FBXL17: variants seen among roughly 807,000 people sequenced by gnomAD.
FBXL17 encodes the protein F-box and leucine rich repeat protein 17, also known as F-box/LRR-repeat protein 17.
A neutral mutation model predicts 66.2 loss-of-function variants in FBXL17; 22 were observed. The observed-to-expected ratio is 0.33, with a 90% CI of 0.24 to 0.47. FBXL17 has a LOEUF of 0.47. Ranked by LOEUF, FBXL17 falls within the 20% of genes least tolerant of loss-of-function variation. FBXL17 has a pLI of 1.00. For missense variants in FBXL17, 878 were observed against 948.2 expected (o/e 0.93, Z 0.97); for synonymous variants, 474 against 400.5 (o/e 1.18, Z -2.19).
At chr5:108,190,134 C>T (rs1281398200) in intron 5 of FBXL17, among the ~76,000 whole-genome samples, 3 of 152,128 alleles carry the variant, frequency 2.0e-5, no homozygotes, top group African/African-American at 7.2e-5. Context: ...AGGAGGGCTG[C>T]GGTGACGTTG....
At chr5:108,075,563 C>T (rs148332769) in intron 6 of FBXL17, among the ~76,000 whole-genome samples, 33 of 152,264 alleles carry the variant, frequency 2.2e-4, no homozygotes, top group African/African-American at 7.9e-4. Context: ...TCAACCTCTG[C>T]CTCCCGGGTT....
intron 4 of FBXL17, among the ~76,000 whole-genome samples, chr5:108,345,950 G>T (rs1326392683): frequency 1.3e-5 from 2 of 151,998 alleles, no homozygotes; most frequent in Non-Finnish European, 2.9e-5. Context: ...AAAATAATTT[G>T]ACTGATTATC....
At chr5:108,361,935 C>G (rs1285767010) in intron 3 of FBXL17, among the ~76,000 whole-genome samples, 1 of 152,120 alleles carries the variant, frequency 6.6e-6, no homozygotes, top group East Asian at 1.9e-4. Flanking sequence ...TGTTGCCAAG[C>G]TGGGGAATGG....
In FBXL17 at chr5:108,279,956, C is replaced by G. The variant is rs191758593; in HGVS notation, c.1507-55728G>C. Among the ~76,000 whole-genome samples, 15 of 151,962 alleles carry G rather than the reference C, an allele frequency of 9.9e-5. No individual in the cohort carries two copies. The East Asian group carries it at 2.7e-3, about 27-fold the overall frequency. On this transcript the variant is annotated intron_variant, in intron 4 of 8. Transcript: ENST00000542267. ...AAAAATTAAAAAAGAATAATCTAAG[C>G]CTTCAAGACATTTGGGACAATGTGA...
intron 7 of FBXL17, among the ~76,000 whole-genome samples, chr5:107,947,204 A>G (rs1751340263): frequency 6.6e-6 from 1 of 152,200 alleles, no homozygotes; most frequent in Non-Finnish European, 1.5e-5. Context: ...CGGCATTGCT[A>G]TGGGCAATGG....
At chr5:107,998,627 C>T (rs1580306783) in intron 7 of FBXL17, among the ~76,000 whole-genome samples, 1 of 151,700 alleles carries the variant, frequency 6.6e-6, no homozygotes, top group Admixed American at 6.6e-5. Flanking sequence ...CACCAGAATA[C>T]CAGATTTCAA....
intron 7 of FBXL17, among the ~76,000 whole-genome samples, chr5:107,928,511 T>C (rs1158021104): frequency 6.6e-6 from 1 of 152,026 alleles, no homozygotes; most frequent in Non-Finnish European, 1.5e-5. Context: ...TTTGAAATAA[T>C]ATTACATTTA....
intron 7 of FBXL17, among the ~76,000 whole-genome samples, chr5:107,929,746 G>A (rs1245402675): frequency 6.6e-6 from 1 of 152,060 alleles, no homozygotes; most frequent in African/African-American, 2.4e-5. Flanking sequence ...GCCTGTAGGA[G>A]CATCACCTGT....
intron 7 of FBXL17, among the ~76,000 whole-genome samples, chr5:107,991,159 G>C (rs1753228075): frequency 6.6e-6 from 1 of 152,156 alleles, no homozygotes; most frequent in Non-Finnish European, 1.5e-5. Flanking sequence ...AAAGGATATG[G>C]GCAGTCTTAA....
At chr5:107,923,114 C>T (rs1233516493) in intron 7 of FBXL17, among the ~76,000 whole-genome samples, 3 of 152,040 alleles carry the variant, frequency 2.0e-5, no homozygotes, top group African/African-American at 7.2e-5. Flanking sequence ...GACTCTGTAG[C>T]AATGGGCATG....
chr5:107,955,981 T>G (rs1357923029), intron 7 of FBXL17, among the ~76,000 whole-genome samples: 1 of 152,164 alleles, frequency 6.6e-6, no homozygotes, highest in Non-Finnish European at 1.5e-5. Context: ...TACCTCTAAT[T>G]CATCTGAAGA....
At chr5:108,151,724 T>C (rs1445769633) in intron 6 of FBXL17, among the ~76,000 whole-genome samples, 1 of 152,168 alleles carries the variant, frequency 6.6e-6, no homozygotes. Flanking sequence ...GCAATTTACA[T>C]AAGGACACCT....
At position 107,866,617 on chromosome 5, in the gene FBXL17, A is replaced by T. The variant is rs567810963; in HGVS notation, c.1966-4757T>A. Among the ~76,000 whole-genome samples the T allele has an allele frequency of 2.0e-5, 3 of 152,350 alleles. No individual in the cohort carries two copies. The East Asian group carries it at 5.8e-4, about 29-fold the overall frequency. ...TATTAATTTCCGCAGAAAGTTCCAG[A>T]TAAGTGTAAACCCAGGCCTGACTTA... On this transcript the variant is annotated intron_variant, in intron 8 of 8. Coordinates refer to ENST00000542267, the MANE Select transcript of FBXL17 (RefSeq NM_001163315.3).
At chr5:107,890,791 T>A (rs1033760106) in intron 7 of FBXL17, among the ~76,000 whole-genome samples, 1 of 152,146 alleles carries the variant, frequency 6.6e-6, no homozygotes, top group Non-Finnish European at 1.5e-5. Context: ...ATAAACATTG[T>A]AAAAGTATTT....
At chr5:108,255,019 T>C (rs753614672) in intron 4 of FBXL17, among the ~76,000 whole-genome samples, 4 of 152,306 alleles carry the variant, frequency 2.6e-5, no homozygotes, top group East Asian at 3.9e-4. Context: ...AAAGGGCTCA[T>C]ACAACTTGAT....
chr5:108,276,083 G>A (rs1251969181), intron 4 of FBXL17, among the ~76,000 whole-genome samples: 1 of 152,218 alleles, frequency 6.6e-6, no homozygotes, highest in South Asian at 2.1e-4. Context: ...ATAACTGGAG[G>A]AAAAATAACA....
rs1748427313 is a variant in FBXL17 at position 107,870,988 on chromosome 5, A to C, written c.1966-9128T>G. ...ATACAACGCTTCATGCATGAACCTC[A>C]TACCGGTAGCCTGGGGTCTTTAAGG... On this transcript the variant is annotated intron_variant, in intron 8 of 8. Transcript: ENST00000542267. Among the ~76,000 whole-genome samples the C allele has an allele frequency of 2.1e-5, 3 of 145,670 alleles. No homozygotes were observed. The South Asian group carries it at 6.5e-4, about 32-fold the overall frequency.
chr5:108,355,456 T>C (rs900657591), intron 3 of FBXL17, among the ~76,000 whole-genome samples: 19 of 152,150 alleles, frequency 1.2e-4, no homozygotes, highest in African/African-American at 4.3e-4. Flanking sequence ...CTAATTTTTG[T>C]ATTTTTAGTA....
chr5:108,327,105 T>C (rs754524765), intron 4 of FBXL17, among the ~76,000 whole-genome samples: 7 of 152,236 alleles, frequency 4.6e-5, no homozygotes, highest in Admixed American at 2.0e-4. Flanking sequence ...GATGAGCACA[T>C]TGTTTTATGT....
Sources: gnomAD v4.1 joint callset for allele counts (sites outside exome capture counted in the v4.1 genomes callset) on GRCh38, gnomAD v4.1.1 for gene constraint, MANE v1.5 for transcripts, NCBI Gene and HGNC (gene_info 2026-07-23, HGNC 2026-07-21) for gene names.